The following KAZN variants were observed in gnomAD, a reference collection of about 807,000 sequenced individuals.
KAZN encodes kazrin.
KAZN carries 40 observed loss-of-function variants against 87.4 expected under a neutral mutation model. That is an observed-to-expected ratio of 0.46 (90% CI 0.36 to 0.60). The LOEUF (loss-of-function observed/expected upper bound fraction) is 0.60. KAZN is among the 20% of genes least tolerant of loss of function. KAZN has a pLI of 0.00. For missense variants in KAZN, 898 were observed against 1,073.9 expected (o/e 0.84, Z 2.29); for synonymous variants, 466 against 458.3 (o/e 1.02, Z -0.22).
intron 2 of KAZN, among the ~76,000 whole-genome samples, chr1:14,183,219 C>T (rs757511604): frequency 1.3e-5 from 2 of 152,266 alleles, no homozygotes; most frequent in Non-Finnish European, 2.9e-5. Flanking sequence ...TGAAATTCCA[C>T]CTCTGAGGAT....
chr1:14,545,890 T>C (rs1010553318), intron 2 of KAZN, among the ~76,000 whole-genome samples: 1 of 152,178 alleles, frequency 6.6e-6, no homozygotes, highest in Non-Finnish European at 1.5e-5. Flanking sequence ...CCAAAGCAAG[T>C]TGCCAGATAG....
At chr1:14,174,090 A>G (rs12403125) in intron 1 of KAZN, among the ~76,000 whole-genome samples, 2,508 of 152,326 alleles carry the variant, frequency 0.016, 96 homozygotes, top group Admixed American at 0.094. Context: ...TATGTTTTCA[A>G]TGGGTGTGAA....
intron 2 of KAZN, among the ~76,000 whole-genome samples, chr1:14,987,604 G>C (rs1034081449): frequency 6.6e-6 from 1 of 152,218 alleles, no homozygotes; most frequent in African/African-American, 2.4e-5. Context: ...GAAGGCTGAG[G>C]ACAGGAATGA....
chr1:14,717,545 C>T (rs1434439357), intron 1 of KAZN, among the ~76,000 whole-genome samples: 1 of 152,148 alleles, frequency 6.6e-6, no homozygotes, highest in African/African-American at 2.4e-5. Flanking sequence ...TGTCCTTTTT[C>T]CTGTCTCATA....
chr1:14,955,588 C>T (rs908598617), intron 1 of KAZN, among the ~76,000 whole-genome samples: 1 of 152,134 alleles, frequency 6.6e-6, no homozygotes, highest in South Asian at 2.1e-4. Flanking sequence ...CTGCAGGTGC[C>T]GCACCTGGTG....
At chr1:14,903,571 G>A (rs1028963191) in intron 1 of KAZN, among the ~76,000 whole-genome samples, 2 of 152,214 alleles carry the variant, frequency 1.3e-5, no homozygotes, top group African/African-American at 2.4e-5. Context: ...AGAGGAGGCC[G>A]AGAATGTAAG....
chr1:14,705,281 C>T (rs982435861), intron 1 of KAZN, among the ~76,000 whole-genome samples: 1 of 152,178 alleles, frequency 6.6e-6, no homozygotes, highest in Non-Finnish European at 1.5e-5. Context: ...AACTTAATTA[C>T]CTCTTTAAAG....
At chr1:14,144,904 C>T (rs1645313778) in intron 1 of KAZN, among the ~76,000 whole-genome samples, 1 of 152,238 alleles carries the variant, frequency 6.6e-6, no homozygotes, top group Non-Finnish European at 1.5e-5. Flanking sequence ...GAAGGATCCA[C>T]TGGCATGACC....
chr1:14,084,648 A>G (rs1021952725), intron 1 of KAZN, among the ~76,000 whole-genome samples: 2 of 150,734 alleles, frequency 1.3e-5, no homozygotes, highest in African/African-American at 2.4e-5. Context: ...TAACTTTAAA[A>G]AAAAAGTAAA....
intron 2 of KAZN, among the ~76,000 whole-genome samples, chr1:14,378,562 G>T (rs1193104741): frequency 1.3e-5 from 2 of 152,210 alleles, no homozygotes; most frequent in Non-Finnish European, 2.9e-5. Flanking sequence ...CATGAAGAGA[G>T]AATCTGAGTC....
At chr1:14,343,546 A>G (rs1298070436) in intron 2 of KAZN, among the ~76,000 whole-genome samples, 2 of 152,114 alleles carry the variant, frequency 1.3e-5, no homozygotes, top group Non-Finnish European at 2.9e-5. Context: ...CTGTGGCACC[A>G]TGTGTGATGC....
intron 2 of KAZN, among the ~76,000 whole-genome samples, chr1:14,453,704 C>T (rs1428250616): frequency 6.6e-6 from 1 of 152,130 alleles, no homozygotes; most frequent in Admixed American, 6.5e-5. Context: ...GGTGTGGTGG[C>T]ATGCCCCTGT....
intron 1 of KAZN, among the ~76,000 whole-genome samples, chr1:14,933,238 T>C (rs1331388531): frequency 6.6e-6 from 1 of 152,138 alleles, no homozygotes; most frequent in Non-Finnish European, 1.5e-5. Flanking sequence ...ATTACACACA[T>C]GTGCCACCAC....
intron 1 of KAZN, among the ~76,000 whole-genome samples, chr1:14,655,402 A>G (rs1395136494): frequency 1.3e-5 from 2 of 152,118 alleles, no homozygotes. Context: ...TATCCCTACC[A>G]GCTTCTTCTT....
At chr1:14,784,099 A>T (rs550224565) in intron 1 of KAZN, among the ~76,000 whole-genome samples, 1 of 152,152 alleles carries the variant, frequency 6.6e-6, no homozygotes, top group South Asian at 2.1e-4. Context: ...TCTGGAACGC[A>T]CAGGGCAGGC....
chr1:14,349,574 T>C (rs1658366361), intron 2 of KAZN, among the ~76,000 whole-genome samples: 1 of 152,174 alleles, frequency 6.6e-6, no homozygotes. Flanking sequence ...GGCTGAAAGA[T>C]CCATTGCCAT....
chr1:13,961,143 C>T (rs1327161584), intron 1 of KAZN, among the ~76,000 whole-genome samples: 1 of 152,124 alleles, frequency 6.6e-6, no homozygotes, highest in Non-Finnish European at 1.5e-5. Flanking sequence ...CCTCTTCTTC[C>T]AACTTATAAT....
chr1:15,033,214 G>A (rs77436600), intron 2 of KAZN, among the ~76,000 whole-genome samples: 23,146 of 152,048 alleles, frequency 0.15, 1,956 homozygotes, highest in African/African-American at 0.19. Flanking sequence ...CAGGGAGTTC[G>A]GGAACCAATC....
chr1:14,573,094 A>G (rs2148548265), intron 2 of KAZN, among the ~76,000 whole-genome samples: 1 of 152,252 alleles, frequency 6.6e-6, no homozygotes, highest in African/African-American at 2.4e-5. Context: ...TATTTCATGC[A>G]TGAGAAGCAA....
Sources: allele counts gnomAD v4.1 joint callset (sites outside exome capture counted in the v4.1 genomes callset), GRCh38; gene constraint gnomAD v4.1.1; transcripts MANE v1.5; gene names NCBI Gene and HGNC (gene_info 2026-07-23, HGNC 2026-07-21).